The following WDR25 variants were observed in gnomAD, a reference collection of about 807,000 sequenced individuals.
WDR25 encodes the protein WD repeat domain 25, also known as WD repeat-containing protein 25.
Under a neutral mutation model 47.7 loss-of-function variants are expected in WDR25, and 35 were observed. The observed-to-expected ratio is 0.73, with a 90% CI of 0.56 to 0.97. The LOEUF (loss-of-function observed/expected upper bound fraction) is 0.97. Among genes scored for constraint, WDR25 ranks in the 50% least tolerant of loss-of-function variants. The pLI, the probability that WDR25 is intolerant of heterozygous loss-of-function variation, is 0.00. For synonymous variants in WDR25, 248 were observed against 278.9 expected (o/e 0.89, Z 1.10); for missense variants, 634 against 704.7 (o/e 0.90, Z 1.14).
chr14:100,501,175 G>A (rs563341014), intron 4 of WDR25, among the ~76,000 whole-genome samples: 14 of 152,160 alleles, frequency 9.2e-5, no homozygotes, highest in Non-Finnish European at 1.9e-4. Context: ...CACTTCACCT[G>A]TCTGACCTCA....
intron 1 of WDR25, among the ~76,000 whole-genome samples, chr14:100,377,894 A>G (rs1414742449): frequency 6.6e-6 from 1 of 152,134 alleles, no homozygotes; most frequent in East Asian, 1.9e-4. Context: ...GAATCTGTTG[A>G]TGCTGACCTG....
intron 4 of WDR25, among the ~76,000 whole-genome samples, chr14:100,519,524 A>T (rs1437814601): frequency 6.6e-6 from 1 of 151,394 alleles, no homozygotes; most frequent in African/African-American, 2.4e-5. Context: ...TGTATATATG[A>T]TTCATTAAAA....
chr14:100,386,720 C>G (rs1431045272), intron 2 of WDR25, among the ~76,000 whole-genome samples: 1 of 151,964 alleles, frequency 6.6e-6, no homozygotes, highest in East Asian at 1.9e-4. Context: ...GGTGAAACCC[C>G]GTCTCTACTA....
chr14:100,483,881 C>A, intron 3 of WDR25, 113 bp from the exon 4 acceptor site: 2 of 1,321,234 alleles, frequency 1.5e-6, no homozygotes, highest in Non-Finnish European at 2.0e-6. Flanking sequence ...CTACATCGGG[C>A]CCAGGGGAGC....
intron 4 of WDR25, 116 bp downstream of exon 4, chr14:100,484,240 CTTAATAT>C: frequency 1.7e-6 from 2 of 1,196,428 alleles, no homozygotes; most frequent in Non-Finnish European, 2.3e-6. Context: ...ATAATTACCA[CTTAATAT>C]TTAATCAGTG....
chr14:100,405,162 C>G (rs917286839), intron 2 of WDR25, among the ~76,000 whole-genome samples: 1 of 90,920 alleles, frequency 1.1e-5, no homozygotes, highest in Non-Finnish European at 2.6e-5. Flanking sequence ...CCTCTCTCTG[C>G]CCCATCTTTT....
rs1309719010 is a variant in WDR25 at position 100,468,218 on chromosome 14, G to A, written c.970+50G>A. 1 of 1,581,630 alleles carries A rather than the reference G, an allele frequency of 6.3e-7. No homozygotes were observed. The highest frequency in any genetic ancestry group is 1.1e-5 in the South Asian group (1 of 87,220). ...GAGGTGAGCTGGCAGCTCTCTCCCT[G>A]GGGAAGGTTCTCTGGTGGGCACGCA... On this transcript the variant is annotated intron_variant, in intron 3 of 6. Coordinates refer to ENST00000402312, the MANE Select transcript of WDR25 (RefSeq NM_001161476.3). The surrounding 1 kb of genome is among the most constrained non-coding windows in gnomAD (Gnocchi z 4.5).
At chr14:100,501,205 G>A (rs996020667) in intron 4 of WDR25, among the ~76,000 whole-genome samples, 3 of 146,216 alleles carry the variant, frequency 2.1e-5, no homozygotes, top group African/African-American at 8.4e-5. Flanking sequence ...ACTGTACAGT[G>A]CAGCTGGCGA....
chr14:100,417,112 T>G (rs541593256), intron 2 of WDR25, among the ~76,000 whole-genome samples: 1 of 152,316 alleles, frequency 6.6e-6, no homozygotes, highest in East Asian at 1.9e-4. Context: ...GGGGCCAAGC[T>G]TTGGTGAGCC....
At chr14:100,505,978 G>A (rs1228069547) in intron 4 of WDR25, among the ~76,000 whole-genome samples, 4 of 152,120 alleles carry the variant, frequency 2.6e-5, no homozygotes, top group Non-Finnish European at 5.9e-5. Flanking sequence ...GGTATAATGC[G>A]TGATGTTGAG....
intron 4 of WDR25, among the ~76,000 whole-genome samples, chr14:100,514,405 AAATCTGCTACCTTGCTATTTTT>A (rs1418767601): frequency 6.6e-6 from 1 of 152,096 alleles, no homozygotes; most frequent in East Asian, 1.9e-4. Context: ...GGTTGGGTTT[AAATCTGCTACCTTGCTATTTTT>A]TTTTATTTGT....
At chr14:100,518,415 G>GT (rs1327895678) in intron 4 of WDR25, among the ~76,000 whole-genome samples, 3 of 151,548 alleles carry the variant, frequency 2.0e-5, no homozygotes, top group African/African-American at 7.3e-5. Flanking sequence ...TTTCTTTGAG[G>GT]TTTTTAGCAG....
Position 100,505,780 on chromosome 14 carries a change from C to A in WDR25, c.1102-20090C>A, listed in dbSNP as rs563044634. On this transcript the variant is annotated intron_variant, in intron 4 of 6. Coordinates refer to ENST00000402312, the MANE Select transcript of WDR25 (RefSeq NM_001161476.3). ...GTAGTTTTCAGTGTTTGATGTTACA[C>A]ATGTTGTATTAATTTATTCCTCAGT... 4.6e-5 allele frequency among the ~76,000 whole-genome samples: 7 copies of A among 152,218 alleles called. No individual in the cohort carries two copies. The South Asian group carries it at 1.5e-3, about 32-fold the overall frequency.
chr14:100,460,649 TA>T (rs946230563), intron 2 of WDR25, among the ~76,000 whole-genome samples: 2 of 150,478 alleles, frequency 1.3e-5, no homozygotes, highest in Non-Finnish European at 1.5e-5. Context: ...CATTAGTGAT[TA>T]AAAAAAAACA....
At chr14:100,454,113 T>A (rs1313640980) in intron 2 of WDR25, among the ~76,000 whole-genome samples, 2 of 152,178 alleles carry the variant, frequency 1.3e-5, no homozygotes, top group Non-Finnish European at 2.9e-5. Flanking sequence ...AACCCAGATA[T>A]CAGCTTGGGT....
At chr14:100,478,113 CAA>C (rs1256790735) in intron 3 of WDR25, among the ~76,000 whole-genome samples, 2 of 53,540 alleles carry the variant, frequency 3.7e-5, no homozygotes, top group Admixed American at 2.5e-4. Flanking sequence ...CAAAACAAAA[CAA>C]AAACAAACAA....
At chr14:100,421,603 A>G (rs1482997571) in intron 2 of WDR25, among the ~76,000 whole-genome samples, 2 of 152,206 alleles carry the variant, frequency 1.3e-5, no homozygotes, top group East Asian at 3.8e-4. Context: ...ATTTTTCCGT[A>G]TTTATACTGG....
Position 100,525,853 on chromosome 14 carries a change from G to A in WDR25, c.1102-17G>A, listed in dbSNP as rs558836304. 16 of 1,611,278 alleles carry A rather than the reference G, an allele frequency of 9.9e-6. No homozygotes were observed. Among genetic ancestry groups the A allele is most frequent in the South Asian group, 4.4e-5 (4 of 91,028 alleles). On this transcript the variant is annotated splice_polypyrimidine_tract_variant and intron_variant, in intron 4 of 6. Transcript: ENST00000402312. The surrounding 1 kb of genome is among the most constrained non-coding windows in gnomAD (Gnocchi z 4.6). ...TGCTGCCAGGCCTGCCAGCATGACCGGTGTCCGCTCTTGCAGGTGATGAGA... is the reference window on the plus strand; with the variant it reads ...TGCTGCCAGGCCTGCCAGCATGACCAGTGTCCGCTCTTGCAGGTGATGAGA...
Position 100,424,552 on chromosome 14 carries a change from C to G in WDR25, c.822+42806C>G, listed in dbSNP as rs970484951. On this transcript the variant is annotated intron_variant, in intron 2 of 6. Transcript: ENST00000402312. This position sits in a 1 kb window ranked among gnomAD's most constrained non-coding sequence, Gnocchi z 4.2. ...ACACCAGGTGTGACATGCCTGTGCTCAGCCAAGGGGTTTAACTGCCTGTGG... is the reference window on the plus strand; with the variant it reads ...ACACCAGGTGTGACATGCCTGTGCTGAGCCAAGGGGTTTAACTGCCTGTGG... 7.9e-5 allele frequency among the ~76,000 whole-genome samples: 12 copies of G among 152,218 alleles called. No homozygotes were observed. The highest frequency in any genetic ancestry group is 2.6e-4 in the Admixed American group (4 of 15,282).
Sources: gnomAD v4.1 joint callset for allele counts (sites outside exome capture counted in the v4.1 genomes callset) on GRCh38, gnomAD v4.1.1 for gene constraint, Gnocchi (gnomAD v3.1) non-coding constraint, MANE v1.5 for transcripts, NCBI Gene and HGNC (gene_info 2026-07-23, HGNC 2026-07-21) for gene names.